ALDH1A3: variants seen among roughly 807,000 people sequenced by gnomAD.
ALDH1A3 encodes aldehyde dehydrogenase 1 family member A3, also known as retinaldehyde dehydrogenase 3.
A neutral mutation model predicts 57.5 loss-of-function variants in ALDH1A3; 28 were observed. The ratio of observed to expected loss-of-function variants is 0.49; its 90% CI spans 0.36 to 0.67. The LOEUF is 0.67. Among genes scored for constraint, ALDH1A3 ranks in the 30% least tolerant of loss-of-function variants. The pLI is 0.00. For synonymous variants in ALDH1A3, 281 were observed against 264.8 expected, an observed-to-expected ratio of 1.06 and a Z score of -0.59; for missense variants, 507 against 669.4, an observed-to-expected ratio of 0.76 and a Z score of 2.68.
At chr15:100,903,407 G>A (rs1347499293) in intron 9 of ALDH1A3, among the ~76,000 whole-genome samples, 2 of 152,186 alleles carry the variant, frequency 1.3e-5, no homozygotes, top group Admixed American at 6.5e-5. Context: ...TTTCACATGT[G>A]TATGGAATTC....
chr15:100,904,415 G>A (rs765235282), intron 9 of ALDH1A3, among the ~76,000 whole-genome samples: 5 of 152,316 alleles, frequency 3.3e-5, no homozygotes, highest in South Asian at 2.1e-4. Context: ...TGGCATGCAC[G>A]GTTTATGCCC....
rs376953636 is a variant in ALDH1A3 at position 100,905,619 on chromosome 15, A to C, written c.1165A>C (p.Lys389Gln). 6.2e-7 allele frequency: 1 copy of C among 1,613,032 alleles called. No individual in the cohort carries two copies. The highest frequency in any genetic ancestry group is 8.5e-7 in the Non-Finnish European group (1 of 1,179,540). Reference protein sequence around the residue: ...LECGGSAMEDKGLFIKPTVFS... With the variant: ...LECGGSAMEDQGLFIKPTVFS... ...ATGCGGGGGCTCAGCCATGGAAGAC[A>C]AGGGGCTCTTCATCAAACCCACTGT... The change falls in exon 10 of 13, where the codon AAG becomes CAG. Residue 389 changes from lysine (K) to glutamine (Q), a missense_variant. Coordinates refer to ENST00000329841, the MANE Select transcript of ALDH1A3 (RefSeq NM_000693.4).
At chr15:100,900,437 A>G (rs1457496477) in intron 8 of ALDH1A3, 138 bp from the exon 9 acceptor site, 1 of 819,826 alleles carries the variant, frequency 1.2e-6, no homozygotes, top group Non-Finnish European at 1.9e-6. Context: ...TGCAAACAAA[A>G]TTAATTTCTG....
chr15:100,898,645 T>C (rs1314155630), intron 8 of ALDH1A3, among the ~76,000 whole-genome samples: 1 of 152,170 alleles, frequency 6.6e-6, no homozygotes, highest in African/African-American at 2.4e-5. Flanking sequence ...AGGTGCTCTT[T>C]CCTTGTGTCT....
intron 12 of ALDH1A3, among the ~76,000 whole-genome samples, chr15:100,908,885 G>GCTC (rs1273223349): frequency 6.6e-6 from 1 of 152,108 alleles, no homozygotes; most frequent in East Asian, 1.9e-4. Context: ...CCCAGGTAAG[G>GCTC]CTCCTACCTG....
At chr15:100,898,682 G>A (rs2041736251) in intron 8 of ALDH1A3, among the ~76,000 whole-genome samples, 1 of 152,238 alleles carries the variant, frequency 6.6e-6, no homozygotes, top group Non-Finnish European at 1.5e-5. Context: ...GAGGAGGGCA[G>A]TAGCAACTGA....
chr15:100,890,935 T>C (rs1006812273), intron 3 of ALDH1A3, among the ~76,000 whole-genome samples: 2 of 152,186 alleles, frequency 1.3e-5, no homozygotes, highest in African/African-American at 4.8e-5. Context: ...TAGAGTATAC[T>C]TGATGTCACA....
At chr15:100,907,372 T>G in intron 11 of ALDH1A3, 94 bp downstream of exon 11, 1 of 1,426,020 alleles carries the variant, frequency 7.0e-7, no homozygotes, top group Non-Finnish European at 9.6e-7. Flanking sequence ...ATTGTTTACA[T>G]TGTATATTAT....
intron 11 of ALDH1A3, 51 bp from the exon 12 acceptor site, chr15:100,908,357 G>GC (rs1369399035): frequency 6.6e-7 from 1 of 1,525,554 alleles, no homozygotes; most frequent in Non-Finnish European, 9.1e-7. Context: ...AGTGCCAGGA[G>GC]CCAGGGGGTC....
At chr15:100,901,125 A>T (rs1415223210) in intron 9 of ALDH1A3, among the ~76,000 whole-genome samples, 2 of 152,190 alleles carry the variant, frequency 1.3e-5, no homozygotes, top group African/African-American at 4.8e-5. Context: ...GAGGCCCTCA[A>T]GCCCACGTGG....
At chr15:100,903,330 G>C (rs1567172834) in intron 9 of ALDH1A3, among the ~76,000 whole-genome samples, 1 of 152,080 alleles carries the variant, frequency 6.6e-6, no homozygotes, top group Non-Finnish European at 1.5e-5. Context: ...CTTGCACTTT[G>C]TTTATTGTTC....
Position 100,898,150 on chromosome 15 carries a change from G to A in ALDH1A3, c.848G>A (p.Gly283Glu). The A allele has an allele frequency of 6.2e-7, 1 of 1,614,128 alleles. No homozygotes were observed. The highest frequency in any genetic ancestry group is 8.5e-7 in the Non-Finnish European group (1 of 1,179,984). ...AAGCGGGTGACGCTGGAGCTGGGGG[G>A]GAAGAACCCCTGCATCGTGTGTGCG... ...NLKRVTLELG[G>E]KNPCIVCADA... is the part of the protein sequence containing the mutation. Residue 283 changes from glycine to glutamate, a missense_variant, in exon 8 of 13, where the codon GGG becomes GAG. By Grantham distance (98) the Gly-to-Glu change is moderately conservative. Coordinates refer to ENST00000329841, the MANE Select transcript of ALDH1A3 (RefSeq NM_000693.4).
At chr15:100,880,075 G>A (rs2141541843) in intron 1 of ALDH1A3, 69 bp downstream of exon 1, 3 of 1,176,038 alleles carry the variant, frequency 2.6e-6, no homozygotes, top group East Asian at 3.2e-5. Context: ...TCGGGGCGGC[G>A]GGGGCGAGGG....
intron 1 of ALDH1A3, among the ~76,000 whole-genome samples, chr15:100,883,653 T>G (rs563373195): frequency 2.4e-4 from 36 of 152,154 alleles, no homozygotes; most frequent in African/African-American, 8.2e-4. Flanking sequence ...TGTGGGTTTT[T>G]TTTTTTTTTA....
rs2141541381 is a variant in ALDH1A3, at chr15:100,879,837, C to A, written c.-71C>A. 1.7e-6 allele frequency: 2 copies of A among 1,153,130 alleles called. No homozygotes were observed. The highest frequency in any genetic ancestry group is 2.5e-5 in the South Asian group (1 of 39,242). The allele number at this position is 1,153,130 out of a possible 1,614,324, so 71.4% of individuals were successfully genotyped here. On this transcript the variant is annotated 5_prime_UTR_variant, in exon 1 of 13. In the 5' UTR this introduces an upstream ATG that the reference lacks. Coordinates refer to ENST00000329841, the MANE Select transcript of ALDH1A3 (RefSeq NM_000693.4). ...GGGGAGCTGCCACCCCGGGAGCGGG[C>A]TGCGCAGTGTCCGGGCCGAGCCGGT...
chr15:100,904,888 G>C (rs757439954), intron 9 of ALDH1A3, among the ~76,000 whole-genome samples: 1 of 152,152 alleles, frequency 6.6e-6, no homozygotes, highest in Non-Finnish European at 1.5e-5. Context: ...TTGTCCCCAG[G>C]GGTGTTGAGT....
intron 3 of ALDH1A3, among the ~76,000 whole-genome samples, chr15:100,890,606 T>C (rs963888333): frequency 1.2e-4 from 18 of 152,318 alleles, no homozygotes; most frequent in African/African-American, 4.1e-4. Flanking sequence ...TATTATCTCA[T>C]TTCAGAGATG....
rs372742008 is a variant in ALDH1A3 at position 100,889,910 on chromosome 15, C to T, written c.345+2198C>T. ...AAACTCCAACCACATCACAGGAGAG[C>T]GCCCCTTGCTCTCCACCTCGATATG... On this transcript the variant is annotated intron_variant, in intron 3 of 12. Transcript: ENST00000329841. The surrounding 1 kb of genome is among the most constrained non-coding windows in gnomAD (Gnocchi z 5.1). Among the ~76,000 whole-genome samples, 1 of 152,222 alleles carries T rather than the reference C, an allele frequency of 6.6e-6. No individual in the cohort carries two copies. The highest frequency in any genetic ancestry group is 1.5e-5 in the Non-Finnish European group (1 of 68,040).
At chr15:100,896,778 T>TG (rs1194230256) in intron 7 of ALDH1A3, among the ~76,000 whole-genome samples, 1 of 152,246 alleles carries the variant, frequency 6.6e-6, no homozygotes, top group African/African-American at 2.4e-5. Context: ...ATTCATTCTC[T>TG]GGAATGTTTT....
Sources: allele counts gnomAD v4.1 joint callset (sites outside exome capture counted in the v4.1 genomes callset), GRCh38; gene constraint gnomAD v4.1.1; non-coding constraint Gnocchi (gnomAD v3.1); transcripts MANE v1.5; gene names NCBI Gene and HGNC (gene_info 2026-07-23, HGNC 2026-07-21).